The following MEI1 variants were observed in gnomAD, a reference collection of about 807,000 sequenced individuals.
MEI1 encodes meiotic double-stranded break formation protein 1.
MEI1 carries 103 observed loss-of-function variants against 146.2 expected under a neutral mutation model. That is an observed-to-expected ratio of 0.70 (90% CI 0.60 to 0.83). The LOEUF (loss-of-function observed/expected upper bound fraction) is 0.83, where lower values mean the gene tolerates loss of function less well. Ranked by LOEUF, MEI1 falls within the 40% of genes least tolerant of loss-of-function variation. The pLI is 0.00. For missense variants in MEI1, 1,529 were observed against 1,533.0 expected, an observed-to-expected ratio of 1.00 and a Z score of 0.04; for synonymous variants, 652 against 628.2, an observed-to-expected ratio of 1.04 and a Z score of -0.57.
chr22:41,760,396 C>G (rs1166908017), intron 18 of MEI1, among the ~76,000 whole-genome samples: 1 of 152,076 alleles, frequency 6.6e-6, no homozygotes, highest in Admixed American at 6.6e-5. Context: ...GTAGTCCCAG[C>G]TACTGGGGAG....
chr22:41,706,804 G>T (rs6002446), intron 3 of MEI1, among the ~76,000 whole-genome samples: 2 of 152,066 alleles, frequency 1.3e-5, no homozygotes, highest in Non-Finnish European at 2.9e-5. Context: ...GGTATGTGAC[G>T]ATTCTTGCAG....
At chr22:41,712,514 CG>C (rs1274509676) in intron 3 of MEI1, among the ~76,000 whole-genome samples, 1 of 151,850 alleles carries the variant, frequency 6.6e-6, no homozygotes, top group African/African-American at 2.4e-5. Flanking sequence ...GGATTACAGG[CG>C]TGAGCCACTG....
At chr22:41,767,587 C>T in intron 19 of MEI1, 1 of 455,956 alleles carries the variant, frequency 2.2e-6, no homozygotes, top group Non-Finnish European at 4.4e-6. Flanking sequence ...AACTTCATTG[C>T]AGTTTGATCA....
chr22:41,757,288 T>G (rs5751150), intron 17 of MEI1, among the ~76,000 whole-genome samples: 126,708 of 151,912 alleles, frequency 0.83, 53,779 homozygotes, highest in African/African-American at 0.95. Flanking sequence ...TAGAGACGGG[T>G]TTTCACCGTG....
chr22:41,745,226 C>G (rs1384296126), intron 13 of MEI1, among the ~76,000 whole-genome samples, 162 bp downstream of exon 13: 1 of 152,048 alleles, frequency 6.6e-6, no homozygotes, highest in Non-Finnish European at 1.5e-5. Flanking sequence ...GTGGAGGAGG[C>G]TTGAGGACAG....
At chr22:41,750,849 G>A (rs2073697806) in intron 15 of MEI1, among the ~76,000 whole-genome samples, 1 of 152,188 alleles carries the variant, frequency 6.6e-6, no homozygotes, top group Non-Finnish European at 1.5e-5. Flanking sequence ...GCATCCCTCA[G>A]CCATTGTGAT....
chr22:41,765,820 ATT>A (rs2074809523), intron 19 of MEI1, among the ~76,000 whole-genome samples: 1 of 151,136 alleles, frequency 6.6e-6, no homozygotes, highest in Non-Finnish European at 1.5e-5. Flanking sequence ...GAAATTTAAC[ATT>A]GTATATAATA....
At chr22:41,759,787 C>A (rs1833832773) in intron 18 of MEI1, among the ~76,000 whole-genome samples, 1 of 152,026 alleles carries the variant, frequency 6.6e-6, no homozygotes, top group Non-Finnish European at 1.5e-5. Context: ...CAAGCTCATG[C>A]CACTGCACTC....
At chr22:41,700,412 C>G (rs990325400) in intron 1 of MEI1, among the ~76,000 whole-genome samples, 3 of 152,234 alleles carry the variant, frequency 2.0e-5, no homozygotes, top group Non-Finnish European at 2.9e-5. Flanking sequence ...CTCACTGCAA[C>G]CTCTGTTTCC....
At chr22:41,734,126 TC>T (rs1381899143) in intron 11 of MEI1, among the ~76,000 whole-genome samples, 1 of 131,598 alleles carries the variant, frequency 7.6e-6, no homozygotes, top group East Asian at 2.0e-4. Context: ...AAATTCTGTC[TC>T]AAAAAATAAA....
chr22:41,699,800 T>G, intron 1 of MEI1, 88 bp downstream of exon 1: 1 of 1,423,902 alleles, frequency 7.0e-7, no homozygotes, highest in Non-Finnish European at 9.3e-7. Context: ...CCCGCTCCGG[T>G]GAACCCGACG....
At position 41,774,910 on chromosome 22, in the gene MEI1, CCTT is replaced by C. The variant is rs2075364407; in HGVS notation, c.2545-1189_2545-1187del. Among the ~76,000 whole-genome samples, 4 of 152,320 alleles carry C rather than the reference CCTT, an allele frequency of 2.6e-5. No homozygotes were observed. In the Middle Eastern group the frequency reaches 0.01, roughly 389 times the overall value. On this transcript the variant is annotated intron_variant, in intron 20 of 30. Coordinates refer to ENST00000401548, the MANE Select transcript of MEI1 (RefSeq NM_152513.4). ...GACATCCCTGTGACCCCATCCCTCT[CCTT>C]CTGCCCAGTGATCAGCACACCTGGG...
chr22:41,799,349 C>G lies in MEI1; in HGVS notation c.*50C>G. ...GTGGAGAGAGAATGAGACCTGGAGA[C>G]AAAGGGCATAATTGTTGGGGAAATG... On this transcript the variant is annotated 3_prime_UTR_variant, in exon 31 of 31. Transcript: ENST00000401548. 1 of 1,563,678 alleles carries G rather than the reference C, an allele frequency of 6.4e-7. No individual in the cohort carries two copies. Among genetic ancestry groups the G allele is most frequent in the Non-Finnish European group, 8.8e-7 (1 of 1,137,126 alleles).
At chr22:41,707,508 TAAA>T (rs1384048484) in intron 3 of MEI1, among the ~76,000 whole-genome samples, 2 of 152,102 alleles carry the variant, frequency 1.3e-5, no homozygotes, top group African/African-American at 4.8e-5. Context: ...ACTGCCAGGA[TAAA>T]GAAGTGCTAA....
rs2073245298 is a variant in MEI1 at position 41,745,876 on chromosome 22, A to T, written c.1539-9A>T. The T allele has an allele frequency of 6.2e-7, 1 of 1,603,134 alleles. No homozygotes were observed. The highest frequency in any genetic ancestry group is 1.3e-5 in the African/African-American group (1 of 74,744). ...TGGTAGTGGATATACTCACACATTG[A>T]TTTCTTAGGTTGGCTATAGAATTCC... is the stretch of plus-strand genomic sequence containing the variant. On this transcript the variant is annotated splice_polypyrimidine_tract_variant and intron_variant, in intron 13 of 30. Transcript: ENST00000401548.
chr22:41,704,759 G>T (rs1054849385), intron 2 of MEI1, among the ~76,000 whole-genome samples: 1 of 151,964 alleles, frequency 6.6e-6, no homozygotes, highest in South Asian at 2.1e-4. Context: ...CTGTCACCCA[G>T]ACTGGAGTGC....
At chr22:41,704,062 A>G (rs1446290713) in intron 2 of MEI1, among the ~76,000 whole-genome samples, 1 of 152,186 alleles carries the variant, frequency 6.6e-6, no homozygotes, top group African/African-American at 2.4e-5. Context: ...CTGCTGACCT[A>G]GGTATGACCC....
chr22:41,780,994 T>C (rs995064973), intron 22 of MEI1, among the ~76,000 whole-genome samples: 2 of 152,204 alleles, frequency 1.3e-5, no homozygotes, highest in African/African-American at 4.8e-5. Context: ...ACTGTTAAAG[T>C]TCCCTTGGGA....
At chr22:41,717,406 G>C (rs2070308171) in intron 5 of MEI1, among the ~76,000 whole-genome samples, 1 of 151,620 alleles carries the variant, frequency 6.6e-6, no homozygotes, top group Non-Finnish European at 1.5e-5. Context: ...CAAGTGATCT[G>C]CCCACCTCGG....
Sources: gnomAD v4.1 joint callset for allele counts (sites outside exome capture counted in the v4.1 genomes callset) on GRCh38, gnomAD v4.1.1 for gene constraint, MANE v1.5 for transcripts, NCBI Gene and HGNC (gene_info 2026-07-23, HGNC 2026-07-21) for gene names.